Variants in FSTL5 observed in about 807,000 individuals in gnomAD.
The protein encoded by FSTL5 is follistatin-related protein 5.
In FSTL5, 62 loss-of-function variants were observed where a neutral mutation model predicts 89.1. That is an observed-to-expected ratio of 0.70 (90% CI 0.57 to 0.86). The LOEUF is 0.86. Among genes scored for constraint, FSTL5 ranks in the 40% least tolerant of loss-of-function variants. The pLI is 0.00. For synonymous variants in FSTL5, 383 were observed against 346.2 expected (o/e 1.11, Z -1.18); for missense variants, 1,057 against 1,001.6 (o/e 1.06, Z -0.75).
Position 161,624,364 on chromosome 4 carries a change from ATAATT to A in FSTL5, c.894+31959_894+31963del, listed in dbSNP as rs372160806. On this transcript the variant is annotated intron_variant, in intron 7 of 15. Coordinates refer to ENST00000306100, the MANE Select transcript of FSTL5 (RefSeq NM_020116.5). ...CCCTTTACGTATGTATCCATAGATA[ATAATT>A]TAATTTGATTTTAAGAATTAGAGTT... Among the ~76,000 whole-genome samples, 4 of 152,156 alleles carry A rather than the reference ATAATT, an allele frequency of 2.6e-5. No individual in the cohort carries two copies. The East Asian group carries it at 7.7e-4, about 29-fold the overall frequency.
chr4:161,573,096 C>T (rs1733076969), intron 8 of FSTL5, among the ~76,000 whole-genome samples: 1 of 152,092 alleles, frequency 6.6e-6, no homozygotes, highest in Non-Finnish European at 1.5e-5. Context: ...GTATTTGTTT[C>T]CTAATGCTGC....
chr4:161,609,155 A>G (rs1339403857), intron 7 of FSTL5, among the ~76,000 whole-genome samples: 1 of 152,124 alleles, frequency 6.6e-6, no homozygotes, highest in Non-Finnish European at 1.5e-5. Flanking sequence ...ATGCAGCACA[A>G]TGCCTGGCAC....
chr4:161,800,496 G>A (rs557344504), intron 4 of FSTL5, among the ~76,000 whole-genome samples: 1 of 151,732 alleles, frequency 6.6e-6, no homozygotes, highest in East Asian at 1.9e-4. Context: ...TCTTTGAAAA[G>A]AGAAAATCTT....
intron 6 of FSTL5, among the ~76,000 whole-genome samples, chr4:161,740,513 AG>A (rs1410732126): frequency 6.6e-6 from 1 of 152,184 alleles, no homozygotes; most frequent in African/African-American, 2.4e-5. Flanking sequence ...TGATTCTTCA[AG>A]AACTAAACCC....
intron 2 of FSTL5, among the ~76,000 whole-genome samples, chr4:162,055,525 T>TGATAGATA (rs67961016): frequency 0.07 from 10,466 of 148,594 alleles, 373 homozygotes; most frequent in East Asian, 0.12. Flanking sequence ...AGATAGAGGA[T>TGATAGATA]GATAGATAGA....
At chr4:161,403,653 G>A (rs1174162676) in intron 15 of FSTL5, among the ~76,000 whole-genome samples, 2 of 152,056 alleles carry the variant, frequency 1.3e-5, no homozygotes, top group African/African-American at 2.4e-5. Flanking sequence ...ACCTATATAG[G>A]AGCCAAAGCA....
intron 6 of FSTL5, among the ~76,000 whole-genome samples, chr4:161,696,792 A>C (rs1286256705): frequency 2.0e-5 from 3 of 152,216 alleles, no homozygotes; most frequent in African/African-American, 4.8e-5. Flanking sequence ...ATTTGTGTAC[A>C]TTAATTTTGT....
At chr4:161,433,458 G>T (rs1022819723) in intron 15 of FSTL5, among the ~76,000 whole-genome samples, 3 of 151,996 alleles carry the variant, frequency 2.0e-5, no homozygotes, top group Non-Finnish European at 4.4e-5. Context: ...GCATCACACT[G>T]AGTGGGGAAA....
At chr4:161,562,622 GT>G (rs75346605) in intron 8 of FSTL5, among the ~76,000 whole-genome samples, 70,864 of 150,650 alleles carry the variant, frequency 0.47, 16,774 homozygotes, top group Middle Eastern at 0.59. Context: ...TCCTAATATT[GT>G]TTTTTTGATT....
intron 4 of FSTL5, among the ~76,000 whole-genome samples, chr4:161,795,238 A>C (rs550906375): frequency 6.6e-6 from 1 of 152,198 alleles, no homozygotes; most frequent in South Asian, 2.1e-4. Context: ...TTTTAGTATA[A>C]AGTTTTCACA....
Position 161,562,067 on chromosome 4 carries a change from A to G in FSTL5, c.1016-19374T>C, listed in dbSNP as rs1343782166. ...GAGAGTGGAGGCGATGAGAATGGACATGGGTACTAAGCCAATCTCATGGAC... is the reference window on the plus strand; with the variant it reads ...GAGAGTGGAGGCGATGAGAATGGACGTGGGTACTAAGCCAATCTCATGGAC... On this transcript the variant is annotated intron_variant, in intron 8 of 15. Coordinates refer to ENST00000306100, the MANE Select transcript of FSTL5 (RefSeq NM_020116.5). 7.9e-5 allele frequency among the ~76,000 whole-genome samples: 12 copies of G among 152,036 alleles called. No individual in the cohort carries two copies. In the South Asian group the frequency reaches 1.2e-3, roughly 16 times the overall value.
At chr4:161,829,139 T>TTATA (rs56839306) in intron 4 of FSTL5, among the ~76,000 whole-genome samples, 48,770 of 139,616 alleles carry the variant, frequency 0.35, 8,549 homozygotes, top group East Asian at 0.41. Flanking sequence ...CAGTCACATT[T>TTATA]TATATATATA....
At chr4:162,117,161 T>C (rs184784572) in intron 1 of FSTL5, among the ~76,000 whole-genome samples, 4 of 152,344 alleles carry the variant, frequency 2.6e-5, no homozygotes, top group Admixed American at 2.0e-4. Context: ...CCTAGAATTC[T>C]GTGAGACAGG....
intron 2 of FSTL5, among the ~76,000 whole-genome samples, chr4:162,072,583 C>T (rs556953646): frequency 6.6e-6 from 1 of 151,606 alleles, no homozygotes; most frequent in Non-Finnish European, 1.5e-5. Flanking sequence ...AATATAGGCA[C>T]CCCTCAGTGA....
chr4:161,868,486 C>A (rs1348377079), intron 4 of FSTL5, among the ~76,000 whole-genome samples: 2 of 152,076 alleles, frequency 1.3e-5, no homozygotes, highest in African/African-American at 4.8e-5. Flanking sequence ...GCCCGAACGA[C>A]CTCATCTCTC....
chr4:161,813,069 C>T (rs1444903380), intron 4 of FSTL5, among the ~76,000 whole-genome samples: 1 of 151,028 alleles, frequency 6.6e-6, no homozygotes, highest in Non-Finnish European at 1.5e-5. Context: ...CGCTGTTGCC[C>T]AGGCTAAAGT....
At chr4:161,414,545 C>T (rs1731707880) in intron 15 of FSTL5, among the ~76,000 whole-genome samples, 1 of 152,056 alleles carries the variant, frequency 6.6e-6, no homozygotes, top group Non-Finnish European at 1.5e-5. Flanking sequence ...TTCAAAGGGG[C>T]CATTTATTTA....
chr4:162,039,594 C>T (rs371660594), intron 2 of FSTL5, among the ~76,000 whole-genome samples: 12 of 151,930 alleles, frequency 7.9e-5, no homozygotes, highest in East Asian at 7.7e-4. Flanking sequence ...GAGAAAAAAA[C>T]GCACTACTTG....
chr4:161,425,614 T>C (rs552875376), intron 15 of FSTL5, among the ~76,000 whole-genome samples: 11 of 152,332 alleles, frequency 7.2e-5, no homozygotes, highest in African/African-American at 2.6e-4. Context: ...GTAGTCCTTG[T>C]GCACTACCAC....
Sources: gnomAD v4.1 joint callset for allele counts (sites outside exome capture counted in the v4.1 genomes callset) on GRCh38, gnomAD v4.1.1 for gene constraint, MANE v1.5 for transcripts, NCBI Gene and HGNC (gene_info 2026-07-23, HGNC 2026-07-21) for gene names.